The following PREX1 variants were observed in gnomAD, a reference collection of about 807,000 sequenced individuals.
PREX1 encodes the protein phosphatidylinositol 3,4,5-trisphosphate-dependent Rac exchanger 1 protein.
A neutral mutation model predicts 198.3 loss-of-function variants in PREX1; 41 were observed. The observed-to-expected ratio is 0.21, with a 90% CI of 0.16 to 0.27. The LOEUF is 0.27. PREX1 is among the 10% of genes least tolerant of loss of function. The pLI is 1.00. For synonymous variants in PREX1, 843 were observed against 887.2 expected (o/e 0.95, Z 0.89); for missense variants, 1,620 against 2,200.7 (o/e 0.74, Z 5.28).
At chr20:48,804,004 G>A (rs2090398861) in intron 1 of PREX1, among the ~76,000 whole-genome samples, 1 of 152,344 alleles carries the variant, frequency 6.6e-6, no homozygotes, top group African/African-American at 2.4e-5. Context: ...CTATCATCCT[G>A]TAATGTCTCA....
chr20:48,715,387 G>A (rs2089957386), intron 5 of PREX1, among the ~76,000 whole-genome samples: 1 of 152,224 alleles, frequency 6.6e-6, no homozygotes, highest in Non-Finnish European at 1.5e-5. Context: ...AAGTATCAAT[G>A]ATAGATTCAG....
intron 1 of PREX1, among the ~76,000 whole-genome samples, chr20:48,783,275 G>C (rs1437322424): frequency 6.6e-6 from 1 of 152,128 alleles, no homozygotes; most frequent in Non-Finnish European, 1.5e-5. Flanking sequence ...AATGAGACTG[G>C]CCACTGGATG....
chr20:48,803,059 CA>C (rs1298402104), intron 1 of PREX1, among the ~76,000 whole-genome samples: 1 of 152,216 alleles, frequency 6.6e-6, no homozygotes, highest in Non-Finnish European at 1.5e-5. Context: ...CCTGCTGATC[CA>C]AAATCTGCAT....
At chr20:48,841,392 G>A in the PREX1 span, among the ~76,000 whole-genome samples, 1 of 152,210 alleles carries the variant, frequency 6.6e-6, no homozygotes, top group African/African-American at 2.4e-5. Context: ...GGGTGTGGCT[G>A]TGTTCCAATA....
At chr20:48,633,510 C>A (rs1187530492) in intron 33 of PREX1, among the ~76,000 whole-genome samples, 2 of 152,176 alleles carry the variant, frequency 1.3e-5, no homozygotes, top group African/African-American at 4.8e-5. Context: ...TAATCCAGTG[C>A]CTGGTTCCTA....
At chr20:48,856,425 C>T in the PREX1 span, among the ~76,000 whole-genome samples, 2 of 152,188 alleles carry the variant, frequency 1.3e-5, no homozygotes, top group African/African-American at 4.8e-5. Flanking sequence ...ATCCTAAATA[C>T]CAGCACTGAG....
chr20:48,703,104 A>C (rs1275772548), intron 6 of PREX1, among the ~76,000 whole-genome samples: 1 of 152,218 alleles, frequency 6.6e-6, no homozygotes, highest in Non-Finnish European at 1.5e-5. Flanking sequence ...TCTGAGACCC[A>C]GTAAGGAGAA....
At position 48,688,696 on chromosome 20, in the gene PREX1, C is replaced by T. The variant is rs755273231; in HGVS notation, c.1295G>A (p.Arg432Gln). Residue 432 changes from arginine (R) to glutamine (Q), a missense_variant, in exon 10 of 40, where the codon CGG becomes CAG. Around this residue, in one of 7 missense-constraint regions of PREX1, gnomAD observed 488 missense variants for 802.5 expected, o/e 0.61. Transcript: ENST00000371941. ...NKKVNLIKDR[R>Q]RKLSTVPKCF... is the part of the protein sequence containing the mutation. ...CTTGGGGACAGTGCTCAGCTTTCTC[C>T]GGCGGTCCTTGATGAGGTTCACCTT... 1.9e-6 allele frequency: 3 copies of T among 1,614,160 alleles called. No homozygotes were observed. Among genetic ancestry groups the T allele is most frequent in the Non-Finnish European group, 2.5e-6 (3 of 1,180,016 alleles).
intron 5 of PREX1, among the ~76,000 whole-genome samples, chr20:48,722,473 G>A (rs2089990659): frequency 1.3e-5 from 2 of 152,224 alleles, no homozygotes; most frequent in African/African-American, 4.8e-5. Flanking sequence ...TGGACAGTAA[G>A]TGTTTATAGG....
At chr20:48,845,409 G>A in the PREX1 span, among the ~76,000 whole-genome samples, 1 of 152,186 alleles carries the variant, frequency 6.6e-6, no homozygotes, top group Non-Finnish European at 1.5e-5. Context: ...CAAAGCATGA[G>A]AAGAGTTTTC....
chr20:48,728,150 A>G (rs956751847), intron 4 of PREX1, among the ~76,000 whole-genome samples: 10 of 152,236 alleles, frequency 6.6e-5, no homozygotes, highest in Non-Finnish European at 1.3e-4. Flanking sequence ...CATTCAACAA[A>G]TACACATTGT....
intron 18 of PREX1, among the ~76,000 whole-genome samples, chr20:48,655,826 G>T (rs1321701833): frequency 6.6e-6 from 1 of 152,222 alleles, no homozygotes; most frequent in African/African-American, 2.4e-5. Context: ...GGGCCATTCT[G>T]TGGGTCGATC....
At chr20:48,678,301 C>A (rs528190065) in intron 13 of PREX1, among the ~76,000 whole-genome samples, 1 of 145,694 alleles carries the variant, frequency 6.9e-6, no homozygotes, top group Non-Finnish European at 1.5e-5. Flanking sequence ...CAGAACGAGG[C>A]TCTGTCTCAA....
At chr20:48,822,886 G>A (rs1229644304) in intron 1 of PREX1, among the ~76,000 whole-genome samples, 1 of 152,172 alleles carries the variant, frequency 6.6e-6, no homozygotes, top group Non-Finnish European at 1.5e-5. Context: ...TTACTGGGGA[G>A]GTCCCTCTGC....
chr20:48,728,290 C>T (rs756561483), intron 4 of PREX1, among the ~76,000 whole-genome samples: 14 of 152,224 alleles, frequency 9.2e-5, no homozygotes, highest in Non-Finnish European at 1.5e-4. Flanking sequence ...ATATGCCACA[C>T]GCTGTGCCTT....
intron 28 of PREX1, 53 bp from the exon 29 acceptor site, chr20:48,642,311 C>A: frequency 6.2e-7 from 1 of 1,606,098 alleles, no homozygotes; most frequent in Non-Finnish European, 8.5e-7. Context: ...CTACACACTG[C>A]AGACATCTGG....
At chr20:48,774,090 T>G (rs1447831664) in intron 1 of PREX1, among the ~76,000 whole-genome samples, 3 of 152,168 alleles carry the variant, frequency 2.0e-5, no homozygotes, top group African/African-American at 7.2e-5. Flanking sequence ...GAAGGCCACT[T>G]TTATTGAGAC....
At chr20:48,753,000 T>G (rs1273067965) in intron 1 of PREX1, among the ~76,000 whole-genome samples, 1 of 152,126 alleles carries the variant, frequency 6.6e-6, no homozygotes, top group Non-Finnish European at 1.5e-5. Context: ...TTCCTCTAGG[T>G]GATGCACATG....
At chr20:48,637,687 C>T in intron 31 of PREX1, 24 bp downstream of exon 31, 2 of 1,599,268 alleles carry the variant, frequency 1.3e-6, no homozygotes, top group Non-Finnish European at 1.7e-6. Flanking sequence ...GTATGTGCCC[C>T]CCACACACCT....
Sources: gnomAD v4.1 joint callset for allele counts (sites outside exome capture counted in the v4.1 genomes callset) on GRCh38, gnomAD v4.1.1 for gene constraint, gnomAD v4.1.1 regional missense constraint, MANE v1.5 for transcripts, NCBI Gene and HGNC (gene_info 2026-07-23, HGNC 2026-07-21) for gene names.